The following SLC22A9 variants were observed in gnomAD, a reference collection of about 807,000 sequenced individuals.
SLC22A9 encodes the protein organic anion transporter 7.
SLC22A9 carries 64 observed loss-of-function variants against 50.1 expected under a neutral mutation model. That is an observed-to-expected ratio of 1.28 (90% CI 1.04 to 1.57). The LOEUF (loss-of-function observed/expected upper bound fraction) is 1.57. Among genes scored for constraint, SLC22A9 ranks in the 40% most tolerant of loss-of-function variants. SLC22A9 has a pLI of 0.00. For synonymous variants in SLC22A9, 261 were observed against 242.5 expected (o/e 1.08, Z -0.71); for missense variants, 757 against 676.1 (o/e 1.12, Z -1.33).
intron 6 of SLC22A9, among the ~76,000 whole-genome samples, chr11:63,403,299 A>G (rs1272125046): frequency 6.6e-6 from 1 of 152,086 alleles, no homozygotes; most frequent in African/African-American, 2.4e-5. Flanking sequence ...GAAACCTTGT[A>G]GGCCAACAGA....
In SLC22A9 at chr11:63,382,263, C is replaced by T; in HGVS notation, c.1059C>T (p.Leu353=). 6.2e-7 allele frequency: 1 copy of T among 1,606,836 alleles called. No homozygotes were observed. The highest frequency in any genetic ancestry group is 8.5e-7 in the Non-Finnish European group (1 of 1,177,712). The change falls in exon 6 of 10, where the codon CTC becomes CTT. Residue 353 remains leucine (L), a synonymous_variant. Transcript: ENST00000279178. ...CCAACATATGTAAAAGGATCTCCCT[C>T]CTGTCCTTTACGAGGTAAGCTTCAT... ...HMPNICKRIS[L]LSFTRFANFM...
chr11:63,393,515 G>T (rs754253417), intron 6 of SLC22A9, among the ~76,000 whole-genome samples: 7 of 152,078 alleles, frequency 4.6e-5, no homozygotes, highest in Non-Finnish European at 8.8e-5. Flanking sequence ...TTCTCAGAGG[G>T]AATGCTTTCA....
At chr11:63,390,153 T>C (rs951022470) in intron 6 of SLC22A9, among the ~76,000 whole-genome samples, 3 of 152,198 alleles carry the variant, frequency 2.0e-5, no homozygotes, top group South Asian at 2.1e-4. Flanking sequence ...ATAGTTTCTT[T>C]TGATGTGCAG....
At position 63,403,097 on chromosome 11, in the gene SLC22A9, G is replaced by T. The variant is rs116057197; in HGVS notation, c.1074-3400G>T. ...GATTCTAAGAATTTCAGACTATTAA[G>T]TGAAATTAATATAGTCAGAAGACTA... On this transcript the variant is annotated intron_variant, in intron 6 of 9. Transcript: ENST00000279178. 4.3e-3 allele frequency among the ~76,000 whole-genome samples: 656 copies of T among 152,096 alleles called. 5 individuals are homozygous for T. The highest frequency in any genetic ancestry group is 0.014 in the African/African-American group (577 of 41,506).
At chr11:63,400,807 G>A (rs374848628) in intron 6 of SLC22A9, among the ~76,000 whole-genome samples, 2 of 152,060 alleles carry the variant, frequency 1.3e-5, no homozygotes, top group Non-Finnish European at 2.9e-5. Flanking sequence ...CATTCATCAC[G>A]ACCAAGTGTG....
At chr11:63,371,012 A>C (rs2014348426) in intron 1 of SLC22A9, 123 bp from the exon 2 acceptor site, 2 of 653,996 alleles carry the variant, frequency 3.1e-6, no homozygotes, top group South Asian at 4.3e-5. Context: ...AATGCTGAGA[A>C]AGGAAGCCAC....
chr11:63,400,249 A>T (rs2014930610), intron 6 of SLC22A9, among the ~76,000 whole-genome samples: 1 of 152,068 alleles, frequency 6.6e-6, no homozygotes, highest in South Asian at 2.1e-4. Context: ...AATAAACAAC[A>T]TCAACAAGGC....
intron 4 of SLC22A9, among the ~76,000 whole-genome samples, chr11:63,374,561 C>A (rs1006826816): frequency 2.6e-5 from 4 of 152,100 alleles, no homozygotes; most frequent in Admixed American, 6.6e-5. Context: ...ACCAGCAACC[C>A]ATGACATGGG....
At chr11:63,384,879 C>T (rs1472028133) in intron 6 of SLC22A9, among the ~76,000 whole-genome samples, 1 of 152,064 alleles carries the variant, frequency 6.6e-6, no homozygotes, top group Non-Finnish European at 1.5e-5. Context: ...TTGCATTTCT[C>T]TAGTGATCAG....
chr11:63,372,664 C>T (rs969381884), intron 2 of SLC22A9, among the ~76,000 whole-genome samples: 1 of 151,862 alleles, frequency 6.6e-6, no homozygotes, highest in Non-Finnish European at 1.5e-5. Context: ...TATAATATTG[C>T]TTTTAATTAA....
intron 8 of SLC22A9, 21 bp downstream of exon 8, chr11:63,408,241 C>G: frequency 6.3e-7 from 1 of 1,581,784 alleles, no homozygotes; most frequent in Non-Finnish European, 8.7e-7. Flanking sequence ...TTAAGTATGC[C>G]CTGTCAGGTT....
Position 63,380,630 on chromosome 11 carries a change from T to C in SLC22A9, c.955-1529T>C, listed in dbSNP as rs564818. ...CTCACTTATATATAGGAGCTAAACA[T>C]TGGTCCAAATGGAGATTTGTATACA... On this transcript the variant is annotated intron_variant, in intron 5 of 9. Transcript: ENST00000279178. Among the ~76,000 whole-genome samples, 576 of 152,070 alleles carry C rather than the reference T, an allele frequency of 3.8e-3. 6 individuals carry two copies. The highest frequency in any genetic ancestry group is 0.013 in the African/African-American group (550 of 41,532).
intron 2 of SLC22A9, 141 bp downstream of exon 2, chr11:63,371,379 C>G (rs568020255): frequency 1.6e-5 from 10 of 627,530 alleles, no homozygotes; most frequent in African/African-American, 1.1e-4. Context: ...AATTTTTAGT[C>G]CGTGTTTTGA....
chr11:63,386,354 G>C (rs693285), intron 6 of SLC22A9, among the ~76,000 whole-genome samples: 1 of 147,240 alleles, frequency 6.8e-6, no homozygotes, highest in South Asian at 2.1e-4. Context: ...TCAATTGTTT[G>C]GAATAGTTTC....
intron 5 of SLC22A9, among the ~76,000 whole-genome samples, chr11:63,380,509 A>C (rs1191300570): frequency 6.6e-6 from 1 of 152,206 alleles, no homozygotes; most frequent in Admixed American, 6.5e-5. Flanking sequence ...AGCAGCCAAA[A>C]AAAGAGGTCA....
chr11:63,382,672 G>T (rs571978221), intron 6 of SLC22A9, among the ~76,000 whole-genome samples: 1 of 151,994 alleles, frequency 6.6e-6, no homozygotes, highest in Admixed American at 6.6e-5. Context: ...TTAGATCAAG[G>T]TACATAAAAA....
chr11:63,406,261 G>A (rs183395800), intron 6 of SLC22A9, among the ~76,000 whole-genome samples: 19 of 152,222 alleles, frequency 1.2e-4, no homozygotes, highest in African/African-American at 3.1e-4. Context: ...ACATATTTAA[G>A]CATCTAACTT....
intron 6 of SLC22A9, among the ~76,000 whole-genome samples, chr11:63,394,311 T>C (rs1294176268): frequency 6.6e-6 from 1 of 152,144 alleles, no homozygotes; most frequent in Non-Finnish European, 1.5e-5. Flanking sequence ...CTATTTTTGT[T>C]TTATAGGTCC....
At chr11:63,387,028 C>G (rs113699949) in intron 6 of SLC22A9, among the ~76,000 whole-genome samples, 5,148 of 151,896 alleles carry the variant, frequency 0.034, 123 homozygotes, top group Non-Finnish European at 0.056. Context: ...GATGTGGGCA[C>G]TTAGTGCTAT....
Sources: allele counts gnomAD v4.1 joint callset (sites outside exome capture counted in the v4.1 genomes callset), GRCh38; gene constraint gnomAD v4.1.1; transcripts MANE v1.5; gene names NCBI Gene and HGNC (gene_info 2026-07-23, HGNC 2026-07-21).